Variants in SIRPG observed in about 807,000 individuals in gnomAD.
SIRPG encodes the protein signal-regulatory protein gamma.
Under a neutral mutation model 35.7 loss-of-function variants are expected in SIRPG, and 38 were observed. The ratio of observed to expected loss-of-function variants is 1.06; its 90% CI spans 0.82 to 1.40. SIRPG has a LOEUF of 1.40. Ranked by LOEUF, SIRPG falls within the 40% of genes most tolerant of loss-of-function variation. The pLI, the probability that SIRPG is intolerant of heterozygous loss-of-function variation, is 0.00. For synonymous variants in SIRPG, 215 were observed against 190.4 expected, an observed-to-expected ratio of 1.13 and a Z score of -1.06; for missense variants, 519 against 483.0, an observed-to-expected ratio of 1.07 and a Z score of -0.70.
In SIRPG at chr20:1,649,060, G is replaced by C. The variant is rs370649250; in HGVS notation, c.422C>G (p.Ala141Gly). 1 of 1,613,408 alleles carries C rather than the reference G, an allele frequency of 6.2e-7. No individual in the cohort carries two copies. Among genetic ancestry groups the C allele is most frequent in the Non-Finnish European group, 8.5e-7 (1 of 1,179,574 alleles). Residue 141 changes from alanine (A) to glycine (G), a missense_variant, in exon 2 of 6, where the codon GCT becomes GGT. Coordinates refer to ENST00000303415, the MANE Select transcript of SIRPG (RefSeq NM_018556.4). ...GTCCATGTTGTACTCACCACCCAAA[G>C]CCATCTCAGTGCCTGGTCCAGACTT... The part of the protein sequence containing the change: ...EFKSGPGTEM[A>G]LGAKPSAPVV...
At chr20:1,668,452 T>G in the SIRPG span, among the ~76,000 whole-genome samples, 1 of 151,928 alleles carries the variant, frequency 6.6e-6, no homozygotes, top group Non-Finnish European at 1.5e-5. Context: ...CCCAGCTAAT[T>G]TTTGTATTTT....
Position 1,636,179 on chromosome 20 carries a change from G to A in SIRPG, c.748+9C>T. ...GTGTGGGCTTGGGCTGGGTGTGAGG[G>A]TCCTCTACCTCGGATGGCCTCAGAC... On this transcript the variant is annotated intron_variant, in intron 3 of 5. Coordinates refer to ENST00000303415, the MANE Select transcript of SIRPG (RefSeq NM_018556.4). The A allele has an allele frequency of 1.2e-6, 2 of 1,613,968 alleles. No individual in the cohort carries two copies. Among genetic ancestry groups the A allele is most frequent in the Non-Finnish European group, 1.7e-6 (2 of 1,179,962 alleles).
intron 2 of SIRPG, chr20:1,646,022 T>G (rs1385133305): frequency 6.6e-6 from 1 of 152,238 alleles, no homozygotes; most frequent in Admixed American, 6.5e-5. Context: ...CAAATCATTT[T>G]CTTTCTCTTA....
intron 2 of SIRPG, among the ~76,000 whole-genome samples, chr20:1,637,022 G>T (rs1048386129): frequency 1.3e-5 from 2 of 152,156 alleles, no homozygotes; most frequent in Non-Finnish European, 2.9e-5. Flanking sequence ...CCCTTCCCAG[G>T]GGTGCAACAA....
At chr20:1,675,104 C>CA in the SIRPG span, among the ~76,000 whole-genome samples, 1 of 152,290 alleles carries the variant, frequency 6.6e-6, no homozygotes, top group Admixed American at 6.5e-5. Context: ...ACCCTGTAGC[C>CA]ATAAAACACT....
chr20:1,670,274 G>C, the SIRPG span: 1 of 229,676 alleles, frequency 4.4e-6, no homozygotes, highest in Admixed American at 4.4e-5. Context: ...CTCTGACCTT[G>C]TGGCACAGAC....
chr20:1,678,315 G>A, the SIRPG span, among the ~76,000 whole-genome samples: 1 of 152,028 alleles, frequency 6.6e-6, no homozygotes, highest in African/African-American at 2.4e-5. Context: ...AGAGCTAAAG[G>A]AAACAATAGA....
intron 2 of SIRPG, 55 bp from the exon 3 acceptor site, chr20:1,636,560 G>C (rs886936581): frequency 1.3e-6 from 2 of 1,560,620 alleles, no homozygotes; most frequent in Non-Finnish European, 1.8e-6. Flanking sequence ...AATCACTAAC[G>C]ATGAGTGTGT....
intron 1 of SIRPG, among the ~76,000 whole-genome samples, chr20:1,654,085 A>T (rs758455833): frequency 1.3e-5 from 2 of 152,082 alleles, no homozygotes; most frequent in Admixed American, 6.5e-5. Flanking sequence ...TGAAAATACA[A>T]AAAATTAGCC....
At chr20:1,643,569 C>T (rs1316399253) in intron 2 of SIRPG, among the ~76,000 whole-genome samples, 7 of 152,186 alleles carry the variant, frequency 4.6e-5, no homozygotes, top group Non-Finnish European at 8.8e-5. Flanking sequence ...AGCCTACTTC[C>T]GTCAATTCGT....
intron 2 of SIRPG, among the ~76,000 whole-genome samples, chr20:1,643,649 C>A (rs2091874045): frequency 1.3e-5 from 2 of 152,176 alleles, no homozygotes; most frequent in Admixed American, 1.3e-4. Flanking sequence ...GGAGAAGAGG[C>A]AACTCTGGCC....
At chr20:1,639,583 C>T (rs923332940) in intron 2 of SIRPG, among the ~76,000 whole-genome samples, 3 of 152,186 alleles carry the variant, frequency 2.0e-5, no homozygotes, top group Non-Finnish European at 4.4e-5. Flanking sequence ...CCTGTTCACT[C>T]TCATGATAGT....
the SIRPG span, among the ~76,000 whole-genome samples, chr20:1,681,937 A>G: frequency 0.028 from 3,914 of 141,284 alleles, 145 homozygotes; most frequent in African/African-American, 0.089. Context: ...AGGTATGACT[A>G]TGGATATGGA....
intron 1 of SIRPG, among the ~76,000 whole-genome samples, chr20:1,654,960 G>A (rs935739242): frequency 6.6e-6 from 1 of 152,148 alleles, no homozygotes; most frequent in African/African-American, 2.4e-5. Flanking sequence ...TGAGATAAAT[G>A]CAAATTAAAA....
chr20:1,650,032 TATAAGTGTC>T (rs2091930186), intron 1 of SIRPG, among the ~76,000 whole-genome samples: 1 of 90,974 alleles, frequency 1.1e-5, no homozygotes, highest in African/African-American at 4.1e-5. Flanking sequence ...ATATATGTCA[TATAAGTGTC>T]ATATATATTT....
In SIRPG at chr20:1,630,138, C is replaced by T; in HGVS notation, c.*2+84G>A. 4 of 1,058,446 alleles carry T rather than the reference C, an allele frequency of 3.8e-6. No homozygotes were observed. The South Asian group carries it at 5.4e-5, about 14-fold the overall frequency. The allele number at this position is 1,058,446 out of a possible 1,614,324, so 65.6% of individuals were successfully genotyped here. A position where few individuals can be genotyped will look rare whatever the true frequency, so the allele number is the denominator to read the frequency against. Reference sequence around the variant, plus strand: ...GAGCTTAACTCCACGGACCCTGGTGCTGCATGGCATGTGGGCTGGGCCTTC... The same window carrying T: ...GAGCTTAACTCCACGGACCCTGGTGTTGCATGGCATGTGGGCTGGGCCTTC... On this transcript the variant is annotated intron_variant, in intron 5 of 5. Transcript: ENST00000303415.
the SIRPG span, among the ~76,000 whole-genome samples, chr20:1,674,004 G>A: frequency 1.3e-5 from 2 of 152,136 alleles, no homozygotes; most frequent in Non-Finnish European, 2.9e-5. Context: ...CCAGGCCACT[G>A]GGGCCTTCTG....
chr20:1,631,513 C>T (rs1389962893), intron 4 of SIRPG, among the ~76,000 whole-genome samples: 1 of 152,244 alleles, frequency 6.6e-6, no homozygotes, highest in Non-Finnish European at 1.5e-5. Flanking sequence ...CTCCTACAGT[C>T]CTGCCTCCCC....
chr20:1,676,835 C>A, the SIRPG span: 1 of 168,592 alleles, frequency 5.9e-6, no homozygotes. Flanking sequence ...ATCTCTCCAG[C>A]TGCGACTGAC....
Sources: allele counts gnomAD v4.1 joint callset (sites outside exome capture counted in the v4.1 genomes callset), GRCh38; gene constraint gnomAD v4.1.1; transcripts MANE v1.5; gene names NCBI Gene and HGNC (gene_info 2026-07-23, HGNC 2026-07-21).